CDH8: variants seen among roughly 807,000 people sequenced by gnomAD.
CDH8 encodes the protein cadherin-8.
Under a neutral mutation model 68.1 loss-of-function variants are expected in CDH8, and 17 were observed. That is an observed-to-expected ratio of 0.25 (90% confidence interval 0.17 to 0.37). The LOEUF (loss-of-function observed/expected upper bound fraction) is 0.37. Among genes scored for constraint, CDH8 ranks in the 10% least tolerant of loss-of-function variants. CDH8 has a pLI of 1.00. For synonymous variants in CDH8, 372 were observed against 365.1 expected (o/e 1.02, Z -0.21); for missense variants, 763 against 999.3 (o/e 0.76, Z 3.19).
At chr16:61,992,545 A>C (rs562187115) in intron 2 of CDH8, among the ~76,000 whole-genome samples, 48 of 151,868 alleles carry the variant, frequency 3.2e-4, no homozygotes, top group Non-Finnish European at 6.6e-4. Flanking sequence ...TACATATGTA[A>C]CTAACCTGCA....
intron 8 of CDH8, among the ~76,000 whole-genome samples, chr16:61,782,910 G>C (rs144989686): frequency 1.3e-5 from 2 of 152,178 alleles, no homozygotes; most frequent in East Asian, 3.9e-4. Flanking sequence ...CAAACAGAAA[G>C]GACATCCACA....
In CDH8 at chr16:61,857,145, G is replaced by C; in HGVS notation, c.641C>G (p.Pro214Arg). ...TGTTTCAGGCTCAATGGAAAAATAA[G>C]GCTGCCCTTCCAATATACTATAAAC... ...KLVYSILEGQPYFSIEPETAI... is the reference protein window; with the variant it reads ...KLVYSILEGQRYFSIEPETAI... The change falls in exon 4 of 12, where the codon CCT (proline) becomes CGT (arginine). Residue 214 changes from proline (P) to arginine (R), a missense_variant. By Grantham distance (103) the Pro-to-Arg change is moderately radical (BLOSUM62 -2). Coordinates refer to ENST00000577390, the MANE Select transcript of CDH8 (RefSeq NM_001796.5). 6.2e-7 allele frequency: 1 copy of C among 1,613,538 alleles called. No individual in the cohort carries two copies. The highest frequency in any genetic ancestry group is 8.5e-7 in the Non-Finnish European group (1 of 1,179,636).
chr16:61,722,139 A>G (rs1389763692), intron 9 of CDH8, among the ~76,000 whole-genome samples: 1 of 150,762 alleles, frequency 6.6e-6, no homozygotes, highest in Admixed American at 6.6e-5. Flanking sequence ...TGCTTATTAC[A>G]TGCTAGTCAC....
In CDH8 at chr16:61,994,625, A is replaced by T. The variant is rs139459981; in HGVS notation, c.252+26527T>A. 2.7e-3 allele frequency among the ~76,000 whole-genome samples: 405 copies of T among 152,346 alleles called. 3 individuals carry two copies. The highest frequency in any genetic ancestry group is 6.9e-3 in the African/African-American group (286 of 41,580). ...TTGGAGGATATGTTAGATCACTGGT[A>T]CTAAAAGTGTGGTCTTCAGACCAGC... On this transcript the variant is annotated intron_variant, in intron 2 of 11. Transcript: ENST00000577390.
intron 10 of CDH8, among the ~76,000 whole-genome samples, chr16:61,671,214 G>T (rs186940628): frequency 2.0e-5 from 3 of 152,118 alleles, no homozygotes; most frequent in Admixed American, 2.0e-4. Flanking sequence ...TCTGGGGATG[G>T]GCCCTGGGTA....
chr16:61,844,072 T>A (rs1962745780), intron 4 of CDH8, among the ~76,000 whole-genome samples: 1 of 151,996 alleles, frequency 6.6e-6, no homozygotes, highest in East Asian at 1.9e-4. Flanking sequence ...GTGGCACATA[T>A]ACACCATGGA....
At chr16:61,778,813 C>A (rs1960964814) in intron 8 of CDH8, among the ~76,000 whole-genome samples, 1 of 152,072 alleles carries the variant, frequency 6.6e-6, no homozygotes, top group South Asian at 2.1e-4. Flanking sequence ...ACTCCAGAAC[C>A]CAAGATTCCT....
At chr16:61,768,533 G>A (rs954663766) in intron 8 of CDH8, among the ~76,000 whole-genome samples, 3 of 151,250 alleles carry the variant, frequency 2.0e-5, no homozygotes, top group African/African-American at 4.9e-5. Flanking sequence ...TTATCAATGG[G>A]CGAGTCTTGA....
intron 8 of CDH8, among the ~76,000 whole-genome samples, chr16:61,768,796 A>G (rs996443870): frequency 4.0e-5 from 6 of 151,828 alleles, no homozygotes; most frequent in African/African-American, 1.4e-4. Context: ...CATCAATGTT[A>G]TATTCAAGAT....
chr16:61,720,288 C>T (rs979063325), intron 9 of CDH8, among the ~76,000 whole-genome samples: 10 of 150,878 alleles, frequency 6.6e-5, no homozygotes, highest in Non-Finnish European at 1.3e-4. Flanking sequence ...GGCTTAAAAT[C>T]TCTTACTACC....
intron 2 of CDH8, among the ~76,000 whole-genome samples, chr16:61,921,277 G>GA (rs778747444): frequency 0.1 from 14,750 of 140,778 alleles, 961 homozygotes; most frequent in East Asian, 0.29. Flanking sequence ...AATAATAAAA[G>GA]AAAAAAAAAA....
chr16:61,964,723 A>T (rs566726738), intron 2 of CDH8, among the ~76,000 whole-genome samples: 4 of 152,164 alleles, frequency 2.6e-5, no homozygotes, highest in Admixed American at 1.3e-4. Flanking sequence ...GTCCCTCTCT[A>T]CAGAGCACAA....
chr16:61,960,516 G>A (rs552165398), intron 2 of CDH8, among the ~76,000 whole-genome samples: 3 of 151,984 alleles, frequency 2.0e-5, no homozygotes, highest in South Asian at 2.1e-4. Flanking sequence ...GCCATCACTC[G>A]GTAAAAGTGT....
intron 10 of CDH8, among the ~76,000 whole-genome samples, chr16:61,671,285 C>G (rs1298694868): frequency 1.3e-5 from 2 of 151,970 alleles, no homozygotes; most frequent in Non-Finnish European, 2.9e-5. Context: ...ATAGCCCTTT[C>G]ACCGTATTCC....
chr16:61,960,089 G>GTGTGTGTGTATACACATACATATATACA lies in CDH8; in HGVS notation c.253-58644_253-58617dup, dbSNP rs1965085512. On this transcript the variant is annotated intron_variant, in intron 2 of 11. Transcript: ENST00000577390. Reference sequence around the variant, plus strand: ...TATACACATACATATATACATATATGTGTGTGTGTATACACATACATATAT... The same window carrying GTGTGTGTGTATACACATACATATATACA: ...TATACACATACATATATACATATATGTGTGTGTGTATACACATACATATATACATGTGTGTGTATACACATACATATAT... Among the ~76,000 whole-genome samples, 2 of 55,166 alleles carry GTGTGTGTGTATACACATACATATATACA rather than the reference G, an allele frequency of 3.6e-5. 1 individual carries two copies. The highest frequency in any genetic ancestry group is 6.5e-5 in the Non-Finnish European group (2 of 30,660). 36.2% of individuals were successfully genotyped at this position (55,166 alleles called of 152,430 possible).
chr16:61,814,341 T>C (rs1240297006), intron 7 of CDH8, among the ~76,000 whole-genome samples: 1 of 152,230 alleles, frequency 6.6e-6, no homozygotes, highest in East Asian at 1.9e-4. Context: ...AACTAATTAA[T>C]GTTCCTGCAA....
At chr16:62,020,197 C>T (rs1012832512) in intron 2 of CDH8, among the ~76,000 whole-genome samples, 1 of 152,172 alleles carries the variant, frequency 6.6e-6, no homozygotes, top group Non-Finnish European at 1.5e-5. Flanking sequence ...AATTCCCCTC[C>T]TATTTTTCTT....
intron 4 of CDH8, among the ~76,000 whole-genome samples, chr16:61,842,609 A>T (rs1037765640): frequency 6.6e-6 from 1 of 152,154 alleles, no homozygotes. Context: ...ATGAAAACAA[A>T]CATATACAAA....
intron 7 of CDH8, among the ~76,000 whole-genome samples, chr16:61,807,213 A>C (rs1200599070): frequency 6.6e-6 from 1 of 151,128 alleles, no homozygotes; most frequent in Non-Finnish European, 1.5e-5. Context: ...TCAGTAAACT[A>C]TCACAAGAAC....
Sources: gnomAD v4.1 joint callset for allele counts (sites outside exome capture counted in the v4.1 genomes callset) on GRCh38, gnomAD v4.1.1 for gene constraint, MANE v1.5 for transcripts, NCBI Gene and HGNC (gene_info 2026-07-23, HGNC 2026-07-21) for gene names.